The following TLN2 variants were observed in gnomAD, a reference collection of about 807,000 sequenced individuals.
The protein encoded by TLN2 is talin 2.
TLN2 carries 118 observed loss-of-function variants against 294.7 expected under a neutral mutation model. The ratio of observed to expected loss-of-function variants is 0.40; its 90% confidence interval spans 0.34 to 0.47. TLN2 has a LOEUF of 0.47. Ranked by LOEUF, TLN2 falls within the 20% of genes least tolerant of loss-of-function variation. The probability of loss-of-function intolerance (pLI) is 0.84; values close to 1 mark genes in which losing one functional copy is unlikely to be tolerated. For missense variants in TLN2, 3,083 were observed against 3,282.2 expected, an observed-to-expected ratio of 0.94 and a Z score of 1.48; for synonymous variants, 1,431 against 1,304.5, an observed-to-expected ratio of 1.10 and a Z score of -2.09.
rs573110505 is a variant in TLN2, at chr15:62,797,799, C to T, written c.6234+397C>T. ...GGAGGAGATTGAAGTGCCGGAGCCA[C>T]ACACAGGTAGAACTAGTGAGTGCGC... is the stretch of plus-strand genomic sequence containing the variant. On this transcript the variant is annotated intron_variant, in intron 48 of 58. Coordinates refer to ENST00000636159, the MANE Select transcript of TLN2 (RefSeq NM_015059.3). Among the ~76,000 whole-genome samples the T allele has an allele frequency of 2.6e-5, 4 of 152,294 alleles. No homozygotes were observed. In the East Asian group the frequency reaches 7.7e-4, roughly 30 times the overall value.
intron 21 of TLN2, among the ~76,000 whole-genome samples, chr15:62,711,462 A>T (rs1263598067): frequency 6.6e-6 from 1 of 152,236 alleles, no homozygotes; most frequent in African/African-American, 2.4e-5. Context: ...ATCTGGTGCT[A>T]GGTAACCTAC....
intron 1 of TLN2, among the ~76,000 whole-genome samples, chr15:62,520,287 C>T (rs2040393753): frequency 6.6e-6 from 1 of 152,188 alleles, no homozygotes; most frequent in Non-Finnish European, 1.5e-5. Context: ...CTGAAGTCTT[C>T]ATTGTTGTAC....
At chr15:62,741,139 G>A (rs968088903) in intron 32 of TLN2, among the ~76,000 whole-genome samples, 6 of 152,200 alleles carry the variant, frequency 3.9e-5, no homozygotes, top group Middle Eastern at 3.4e-3. Flanking sequence ...ACTGAAAAGC[G>A]TAAAGATGAA....
At chr15:62,518,906 C>G (rs1043810904) in intron 1 of TLN2, among the ~76,000 whole-genome samples, 5 of 152,222 alleles carry the variant, frequency 3.3e-5, no homozygotes, top group Admixed American at 6.5e-5. Context: ...CTTGCAATGT[C>G]TTTTTTAGTG....
At chr15:62,659,760 A>T (rs1358703309) in intron 9 of TLN2, among the ~76,000 whole-genome samples, 1 of 152,218 alleles carries the variant, frequency 6.6e-6, no homozygotes, top group Non-Finnish European at 1.5e-5. Flanking sequence ...GTTTTTCCTT[A>T]TGAATTTGAT....
Position 62,653,144 on chromosome 15 carries a change from C to T in TLN2, c.365-18C>T. On this transcript the variant is annotated intron_variant, in intron 6 of 58. Transcript: ENST00000636159. ...CAGTTTAATTATTTATAATTATAAC[C>T]TAATTTCCAATGTTTAGGAATAACA... 6.6e-7 allele frequency: 1 copy of T among 1,520,216 alleles called. No homozygotes were observed. The highest frequency in any genetic ancestry group is 8.8e-7 in the Non-Finnish European group (1 of 1,130,756). 94.2% of individuals were successfully genotyped at this position (1,520,216 alleles called of 1,614,324 possible).
chr15:62,555,315 C>T (rs891455084), intron 1 of TLN2, among the ~76,000 whole-genome samples: 3 of 152,100 alleles, frequency 2.0e-5, no homozygotes, highest in African/African-American at 4.8e-5. Context: ...TGAAAAGACT[C>T]AGTTGAAGTG....
intron 3 of TLN2, chr15:62,637,360 G>A (rs2050485541): frequency 6.6e-6 from 1 of 152,170 alleles, no homozygotes; most frequent in African/African-American, 2.4e-5. Flanking sequence ...GTAACAAGAG[G>A]AGGAAAATAG....
chr15:62,732,404 A>G (rs2060782180), intron 28 of TLN2, among the ~76,000 whole-genome samples: 1 of 152,208 alleles, frequency 6.6e-6, no homozygotes, highest in African/African-American at 2.4e-5. Context: ...TGAGAGAAGG[A>G]TGATGGAAGG....
At chr15:62,741,584 A>G (rs921336059) in intron 32 of TLN2, among the ~76,000 whole-genome samples, 2 of 152,144 alleles carry the variant, frequency 1.3e-5, no homozygotes, top group African/African-American at 2.4e-5. Flanking sequence ...ATTTACCATC[A>G]TATTACGTAT....
chr15:62,611,053 T>A (rs557453835), intron 2 of TLN2, among the ~76,000 whole-genome samples: 1 of 152,244 alleles, frequency 6.6e-6, no homozygotes, highest in East Asian at 1.9e-4. Context: ...TAAGCCTGAG[T>A]TTCTCAGTAA....
intron 1 of TLN2, among the ~76,000 whole-genome samples, chr15:62,400,482 A>G (rs1379797849): frequency 6.6e-6 from 1 of 152,208 alleles, no homozygotes; most frequent in East Asian, 1.9e-4. Flanking sequence ...TTATAGATAG[A>G]TATATGTTTC....
chr15:62,754,005 C>G, intron 36 of TLN2, 89 bp downstream of exon 36: 7 of 1,371,206 alleles, frequency 5.1e-6, no homozygotes, highest in Non-Finnish European at 6.7e-6. Context: ...AGTAAAGAAT[C>G]TTGTTCTTTC....
intron 1 of TLN2, among the ~76,000 whole-genome samples, chr15:62,436,275 A>G (rs748924482): frequency 2.0e-5 from 3 of 152,140 alleles, no homozygotes; most frequent in Admixed American, 6.5e-5. Flanking sequence ...TATCTGTCCT[A>G]TGCTCAGGAG....
At chr15:62,825,003 G>T (rs2067915064) in intron 54 of TLN2, among the ~76,000 whole-genome samples, 1 of 152,176 alleles carries the variant, frequency 6.6e-6, no homozygotes, top group African/African-American at 2.4e-5. Flanking sequence ...TTGCTTACAG[G>T]TGAATGCATA....
chr15:62,484,582 C>T (rs1306899658), intron 1 of TLN2, among the ~76,000 whole-genome samples: 7 of 152,072 alleles, frequency 4.6e-5, no homozygotes, highest in African/African-American at 1.4e-4. Context: ...GCTACCACCA[C>T]GCCCGGCTAA....
chr15:62,808,649 C>G (rs1412579075), intron 51 of TLN2, among the ~76,000 whole-genome samples: 1 of 152,206 alleles, frequency 6.6e-6, no homozygotes, highest in Non-Finnish European at 1.5e-5. Flanking sequence ...GGAAGTGACT[C>G]TGAGTAGCAT....
At position 62,453,987 on chromosome 15, in the gene TLN2, C is replaced by T. The variant is rs543213853; in HGVS notation, c.-238+63302C>T. 4.6e-5 allele frequency among the ~76,000 whole-genome samples: 7 copies of T among 152,240 alleles called. No homozygotes were observed. The South Asian group carries it at 1.5e-3, about 32-fold the overall frequency. On this transcript the variant is annotated intron_variant, in intron 1 of 58. Coordinates refer to ENST00000636159, the MANE Select transcript of TLN2 (RefSeq NM_015059.3). Reference sequence around the variant, plus strand: ...ACGGGCCAGGCCCACCCCCAGGTGCCAGTGGCTGACCCCTGGCCACCTGTG... The same window carrying T: ...ACGGGCCAGGCCCACCCCCAGGTGCTAGTGGCTGACCCCTGGCCACCTGTG...
At chr15:62,399,264 A>AAAAC (rs2032825447) in intron 1 of TLN2, among the ~76,000 whole-genome samples, 1 of 146,928 alleles carries the variant, frequency 6.8e-6, no homozygotes, top group Non-Finnish European at 1.5e-5. Context: ...AACAAAAAAA[A>AAAAC]AAAAAAAAAA....
Sources: allele counts gnomAD v4.1 joint callset (sites outside exome capture counted in the v4.1 genomes callset), GRCh38; gene constraint gnomAD v4.1.1; transcripts MANE v1.5; gene names NCBI Gene and HGNC (gene_info 2026-07-23, HGNC 2026-07-21).